The following AS3MT variants were observed in gnomAD, a reference collection of about 807,000 sequenced individuals.
AS3MT encodes the protein arsenite methyltransferase, also known as S-adenosyl-L-methionine:arsenic(III) methyltransferase.
Under a neutral mutation model 45.3 loss-of-function variants are expected in AS3MT, and 47 were observed. The ratio of observed to expected loss-of-function variants is 1.04; its 90% CI spans 0.82 to 1.32. The LOEUF is 1.32. Ranked by LOEUF, AS3MT falls within the 40% of genes most tolerant of loss-of-function variation. The pLI, the probability that AS3MT is intolerant of heterozygous loss-of-function variation, is 0.00. For synonymous variants in AS3MT, 141 were observed against 152.8 expected, an observed-to-expected ratio of 0.92 and a Z score of 0.57; for missense variants, 396 against 451.1, an observed-to-expected ratio of 0.88 and a Z score of 1.11.
chr10:102,879,114 TA>T, intron 9 of AS3MT, 123 bp downstream of exon 9: 1 of 1,082,452 alleles, frequency 9.2e-7, no homozygotes, highest in East Asian at 2.4e-5. Context: ...TGTGTGTGTT[TA>T]AATGTATGTG....
At chr10:102,898,826 T>C (rs1215874342) in intron 10 of AS3MT, among the ~76,000 whole-genome samples, 7 of 152,176 alleles carry the variant, frequency 4.6e-5, no homozygotes, top group African/African-American at 1.7e-4. Flanking sequence ...AAAGATTCAT[T>C]TACAAATCCA....
At chr10:102,894,759 T>C (rs1357206408) in intron 10 of AS3MT, among the ~76,000 whole-genome samples, 1 of 152,224 alleles carries the variant, frequency 6.6e-6, no homozygotes, top group Non-Finnish European at 1.5e-5. Context: ...CCACAATCTC[T>C]TATCATAACC....
chr10:102,882,856 G>T (rs1009659409), intron 9 of AS3MT, among the ~76,000 whole-genome samples: 9 of 151,336 alleles, frequency 5.9e-5, no homozygotes, highest in Middle Eastern at 3.2e-3. Context: ...CTCCCAAAGT[G>T]CTGGGATTAC....
intron 10 of AS3MT, among the ~76,000 whole-genome samples, chr10:102,899,355 T>A (rs965849328): frequency 2.0e-5 from 3 of 152,154 alleles, no homozygotes; most frequent in African/African-American, 7.2e-5. Flanking sequence ...ATGCAATTGA[T>A]GTGAAGTCCT....
At position 102,872,520 on chromosome 10, in the gene AS3MT, T is replaced by G. The variant is rs1232508951; in HGVS notation, c.243T>G (p.Ser81Arg). The G allele has an allele frequency of 6.2e-7, 1 of 1,614,066 alleles. No homozygotes were observed. Residue 81 changes from serine (S) to arginine (R), a missense_variant, in exon 4 of 11, where the codon AGT becomes AGG. Physicochemically the swap from Ser to Arg is moderately radical, Grantham distance 110. Coordinates refer to ENST00000369880, the MANE Select transcript of AS3MT (RefSeq NM_020682.4). ...GGATTTTGGATCTGGGTAGTGGAAG[T>G]GGCAGAGATTGCTATGTACTTAGCC... Reference protein sequence around the residue: ...NCWILDLGSGSGRDCYVLSQL... With the variant: ...NCWILDLGSGRGRDCYVLSQL...
Position 102,872,514 on chromosome 10 carries a change from T to C in AS3MT, c.237T>C (p.Ser79=), listed in dbSNP as rs1238345611. 1.2e-6 allele frequency: 2 copies of C among 1,614,036 alleles called. No individual in the cohort carries two copies. The highest frequency in any genetic ancestry group is 1.1e-5 in the South Asian group (1 of 91,072). The change falls in exon 4 of 11, where the codon AGT becomes AGC. Residue 79 remains serine (S), a synonymous_variant. Transcript: ENST00000369880. ...ACTGCTGGATTTTGGATCTGGGTAG[T>C]GGAAGTGGCAGAGATTGCTATGTAC... ...LENCWILDLG[S]GSGRDCYVLS... is the part of the protein sequence containing the mutation.
In AS3MT at chr10:102,901,800, C is replaced by T. The variant is rs1845274095; in HGVS notation, c.*1100C>T. ...CATACTAATCATGCAAAAAGATTGC[C>T]AAATCATGTTTGGTAGGAGGACTTT... On this transcript the variant is annotated 3_prime_UTR_variant, in exon 11 of 11. Transcript: ENST00000369880. The T allele has an allele frequency of 6.6e-6, 1 of 152,102 alleles. No individual in the cohort carries two copies. Among genetic ancestry groups the T allele is most frequent in the Non-Finnish European group, 1.5e-5 (1 of 68,022 alleles). 9.4% of individuals were successfully genotyped at this position (152,102 alleles called of 1,614,324 possible). A position where few individuals can be genotyped will look rare whatever the true frequency, so the allele number is the denominator to read the frequency against.
intron 9 of AS3MT, among the ~76,000 whole-genome samples, chr10:102,889,614 G>GCCTGCCTGCCTGCCTGCCTTCCTTCCCT (rs559139049): frequency 8.8e-6 from 1 of 113,954 alleles, no homozygotes; most frequent in East Asian, 3.4e-4. Flanking sequence ...CTGTCTGCCT[G>GCCTGCCTGCCTGCCTGCCTTCCTTCCCT]CCTTCCTTCC....
chr10:102,895,752 TAAAC>T (rs1845156248), intron 10 of AS3MT, among the ~76,000 whole-genome samples: 2 of 148,264 alleles, frequency 1.3e-5, no homozygotes, highest in Middle Eastern at 3.5e-3. Context: ...CAAAAACAAA[TAAAC>T]AAAAAACCCC....
intron 10 of AS3MT, among the ~76,000 whole-genome samples, chr10:102,899,669 CTT>C (rs538296715): frequency 1.8e-4 from 24 of 135,152 alleles, no homozygotes; most frequent in Non-Finnish European, 1.4e-4. Flanking sequence ...CATGTTCATG[CTT>C]TTTTTTTTTT....
At chr10:102,871,546 CAAAAAAAAAAAAAAA>C (rs748797211) in intron 3 of AS3MT, among the ~76,000 whole-genome samples, 4 of 23,266 alleles carry the variant, frequency 1.7e-4, no homozygotes, top group African/African-American at 4.2e-4. Flanking sequence ...GACTCCGTCT[CAAAAAAAAAAAAAAA>C]AAAAAAAAAA....
chr10:102,891,303 C>T (rs989495403), intron 10 of AS3MT, among the ~76,000 whole-genome samples: 1 of 152,206 alleles, frequency 6.6e-6, no homozygotes, highest in Non-Finnish European at 1.5e-5. Context: ...GGAGTCGGCG[C>T]GGGGAGCCCT....
chr10:102,894,263 A>C (rs1845125378), intron 10 of AS3MT, among the ~76,000 whole-genome samples: 1 of 151,894 alleles, frequency 6.6e-6, no homozygotes, highest in Admixed American at 6.6e-5. Flanking sequence ...GTCTCTACTA[A>C]AAATAAAAAA....
At chr10:102,894,664 T>G (rs1364229650) in intron 10 of AS3MT, among the ~76,000 whole-genome samples, 5 of 152,108 alleles carry the variant, frequency 3.3e-5, no homozygotes, top group African/African-American at 1.2e-4. Flanking sequence ...AACAGACTCT[T>G]TAAATCTGGT....
At chr10:102,870,310 C>T in intron 3 of AS3MT, 99 bp downstream of exon 3, 1 of 1,426,416 alleles carries the variant, frequency 7.0e-7, no homozygotes, top group South Asian at 1.2e-5. Context: ...AGCCACCAAC[C>T]CATCAGCTTG....
chr10:102,897,482 TC>T (rs1458580476), intron 10 of AS3MT, among the ~76,000 whole-genome samples: 3 of 150,660 alleles, frequency 2.0e-5, no homozygotes, highest in Non-Finnish European at 3.0e-5. Context: ...TTTTTTTTTT[TC>T]CTTTGAGACA....
chr10:102,890,520 A>G (rs1564795118), intron 9 of AS3MT, 24 bp from the exon 10 acceptor site: 13 of 1,495,370 alleles, frequency 8.7e-6, no homozygotes, highest in South Asian at 1.3e-5. Flanking sequence ...AACTCTTAGT[A>G]TTTTTTTTTA....
In AS3MT at chr10:102,870,121, T is replaced by G. The variant is rs1237767710; in HGVS notation, c.80T>G (p.Leu27Arg). 6 of 1,614,058 alleles carry G rather than the reference T, an allele frequency of 3.7e-6. No individual in the cohort carries two copies. In the South Asian group the frequency reaches 6.6e-5, roughly 18 times the overall value. ...YGQVLKRSADLQTNGCVTTAR... is the reference protein window; with the variant it reads ...YGQVLKRSADRQTNGCVTTAR... ...CAGGTGCTGAAGAGATCGGCAGACC[T>G]CCAGACCAACGGCTGTGTCACCACA... is the stretch of plus-strand genomic sequence containing the variant. Residue 27 changes from leucine (L) to arginine (R), a missense_variant, in exon 3 of 11, where the codon CTC becomes CGC. Leu to Arg is a moderately radical substitution (Grantham distance 102). Coordinates refer to ENST00000369880, the MANE Select transcript of AS3MT (RefSeq NM_020682.4).
chr10:102,874,682 A>T lies in AS3MT; in HGVS notation c.528+21A>T, dbSNP rs1427880510. ...TGAAGGTGAGGAGGAGAGTGAGATA[A>T]ATTATCTTTGAACATCAGTAAGAGC... On this transcript the variant is annotated intron_variant, in intron 6 of 10. Transcript: ENST00000369880. The T allele has an allele frequency of 3.8e-6, 6 of 1,571,626 alleles. No homozygotes were observed. In the East Asian group the frequency reaches 1.4e-4, roughly 36 times the overall value.
Sources: gnomAD v4.1 joint callset for allele counts (sites outside exome capture counted in the v4.1 genomes callset) on GRCh38, gnomAD v4.1.1 for gene constraint, MANE v1.5 for transcripts, NCBI Gene and HGNC (gene_info 2026-07-23, HGNC 2026-07-21) for gene names.